The following APCDD1 variants were observed in gnomAD, a reference collection of about 807,000 sequenced individuals.
APCDD1 encodes the protein protein APCDD1.
A neutral mutation model predicts 38.1 loss-of-function variants in APCDD1; 15 were observed. That is an observed-to-expected ratio of 0.39 (90% CI 0.26 to 0.61). The LOEUF is 0.61. Ranked by LOEUF, APCDD1 falls within the 20% of genes least tolerant of loss-of-function variation. The pLI, the probability that APCDD1 is intolerant of heterozygous loss-of-function variation, is 0.49. For synonymous variants in APCDD1, 261 were observed against 279.7 expected, an observed-to-expected ratio of 0.93 and a Z score of 0.67; for missense variants, 647 against 696.2, an observed-to-expected ratio of 0.93 and a Z score of 0.79.
chr18:10,475,780 CGCAAGATGGCTGAGG>C lies in APCDD1; in HGVS notation c.774+3721_774+3735del, dbSNP rs1220806013. ...GCTTCCTGAGCCAGCCTAGCTGCCT[CGCAAGATGGCTGAGG>C]GGGGGGGGGGTCAGTGGAAGGCCGA... On this transcript the variant is annotated intron_variant, in intron 3 of 4. Coordinates refer to ENST00000355285, the MANE Select transcript of APCDD1 (RefSeq NM_153000.5). The surrounding 1 kb of genome is among the most constrained non-coding windows in gnomAD (Gnocchi z 4.0). The C allele has an allele frequency of 7.4e-6, 1 of 135,486 alleles. No homozygotes were observed. Among genetic ancestry groups the C allele is most frequent in the Non-Finnish European group, 1.5e-5 (1 of 65,642 alleles). The allele number at this position is 135,486 out of a possible 1,614,324, so 8.4% of individuals were successfully genotyped here.
rs1311966907 is a variant in APCDD1 at position 10,469,895 on chromosome 18, C to T, written c.242+1243C>T. ...TGCAGTAAACCAGGGCAGACAGCCT[C>T]ACATGAGGCTGCTGGGGAGGGTAGG... On this transcript the variant is annotated intron_variant, in intron 2 of 4. Coordinates refer to ENST00000355285, the MANE Select transcript of APCDD1 (RefSeq NM_153000.5). This position sits in a 1 kb window ranked among gnomAD's most constrained non-coding sequence, Gnocchi z 5.5. 6.6e-6 allele frequency among the ~76,000 whole-genome samples: 1 copy of T among 152,146 alleles called. No homozygotes were observed. Among genetic ancestry groups the T allele is most frequent in the East Asian group, 1.9e-4 (1 of 5,186 alleles).
intron 3 of APCDD1, among the ~76,000 whole-genome samples, chr18:10,478,236 C>A (rs995236187): frequency 6.6e-6 from 1 of 152,226 alleles, no homozygotes; most frequent in African/African-American, 2.4e-5. Context: ...TGGTAACAGG[C>A]CCGAGGTGGC....
At position 10,469,335 on chromosome 18, in the gene APCDD1, G is replaced by A. The variant is rs1400711399; in HGVS notation, c.242+683G>A. The stretch of plus-strand genomic sequence containing the variant: ...AGCAGCCTTCAAGTTCCTTGGGGAG[G>A]GATCAGATGAATATGGAGAAGAGAA... On this transcript the variant is annotated intron_variant, in intron 2 of 4. Transcript: ENST00000355285. The surrounding 1 kb of genome is among the most constrained non-coding windows in gnomAD (Gnocchi z 5.5). 6.6e-6 allele frequency among the ~76,000 whole-genome samples: 1 copy of A among 151,998 alleles called. No individual in the cohort carries two copies. Among genetic ancestry groups the A allele is most frequent in the Non-Finnish European group, 1.5e-5 (1 of 68,008 alleles).
At position 10,469,326 on chromosome 18, in the gene APCDD1, C is replaced by T. The variant is rs2030795045; in HGVS notation, c.242+674C>T. On this transcript the variant is annotated intron_variant, in intron 2 of 4. Coordinates refer to ENST00000355285, the MANE Select transcript of APCDD1 (RefSeq NM_153000.5). The surrounding 1 kb of genome is among the most constrained non-coding windows in gnomAD (Gnocchi z 5.5). Reference sequence around the variant, plus strand: ...GATATGGATAGCAGCCTTCAAGTTCCTTGGGGAGGGATCAGATGAATATGG... The same window carrying T: ...GATATGGATAGCAGCCTTCAAGTTCTTTGGGGAGGGATCAGATGAATATGG... Among the ~76,000 whole-genome samples the T allele has an allele frequency of 6.6e-6, 1 of 151,990 alleles. No individual in the cohort carries two copies.
intron 3 of APCDD1, among the ~76,000 whole-genome samples, chr18:10,480,212 A>G (rs2031102458): frequency 6.6e-6 from 1 of 152,188 alleles, no homozygotes; most frequent in African/African-American, 2.4e-5. Context: ...ATCCCCAAAA[A>G]AGAGGGAATA....
rs2031011484 is a variant in APCDD1 at position 10,476,779 on chromosome 18, C to A, written c.774+4718C>A. ...GCACATGTACAGCAGGGGAGCTACA[C>A]ACGGGAGGGAGAAAAGCACCGGGCT... On this transcript the variant is annotated intron_variant, in intron 3 of 4. Transcript: ENST00000355285. The surrounding 1 kb of genome is among the most constrained non-coding windows in gnomAD (Gnocchi z 5.8). 2 of 152,344 alleles carry A rather than the reference C, an allele frequency of 1.3e-5. No individual in the cohort carries two copies. Among genetic ancestry groups the A allele is most frequent in the African/African-American group, 4.8e-5 (2 of 41,576 alleles). The allele number at this position is 152,344 out of a possible 1,614,324, so 9.4% of individuals were successfully genotyped here.
chr18:10,482,413 A>G (rs551284314), intron 3 of APCDD1, among the ~76,000 whole-genome samples: 1 of 152,302 alleles, frequency 6.6e-6, no homozygotes, highest in South Asian at 2.1e-4. Flanking sequence ...GGTAGCCACT[A>G]CCAGCGATGA....
intron 3 of APCDD1, among the ~76,000 whole-genome samples, chr18:10,479,095 A>G (rs952223681): frequency 6.6e-6 from 1 of 152,258 alleles, no homozygotes; most frequent in Non-Finnish European, 1.5e-5. Flanking sequence ...CTCGTAATAC[A>G]GAAGACCCGA....
chr18:10,485,867 A>G lies in APCDD1; in HGVS notation c.1096+84A>G. 6 of 1,452,486 alleles carry G rather than the reference A, an allele frequency of 4.1e-6. No individual in the cohort carries two copies. The highest frequency in any genetic ancestry group is 5.7e-6 in the Non-Finnish European group (6 of 1,061,514). The allele number at this position is 1,452,486 out of a possible 1,614,324, so 90.0% of individuals were successfully genotyped here. A position where few individuals can be genotyped will look rare whatever the true frequency, so the allele number is the denominator to read the frequency against. ...TGTGGAGGCAGAGCTGAGGGAAAGG[A>G]CCTCTTTTCTGCCTGAGTTCCCAGG... On this transcript the variant is annotated intron_variant, in intron 4 of 4. Transcript: ENST00000355285. The surrounding 1 kb of genome is among the most constrained non-coding windows in gnomAD (Gnocchi z 5.8).
chr18:10,468,692 C>G, intron 2 of APCDD1, 40 bp downstream of exon 2: 1 of 1,601,786 alleles, frequency 6.2e-7, no homozygotes, highest in African/African-American at 1.3e-5. Flanking sequence ...CCAGAGAGCA[C>G]ACCACTATGG....
At chr18:10,458,461 TTC>T (rs2030439132) in intron 1 of APCDD1, among the ~76,000 whole-genome samples, 1 of 152,216 alleles carries the variant, frequency 6.6e-6, no homozygotes, top group Non-Finnish European at 1.5e-5. Flanking sequence ...AAAACATTCT[TTC>T]CTGCACTTTT....
chr18:10,488,954 A>T lies in APCDD1; in HGVS notation c.*916A>T, dbSNP rs1418464621. ...GACCTGAGCCCTGACTCACTGTCTTATTAGGGGCAGGCGGAAGAAGCTGCA... is the reference window on the plus strand; with the variant it reads ...GACCTGAGCCCTGACTCACTGTCTTTTTAGGGGCAGGCGGAAGAAGCTGCA... On this transcript the variant is annotated 3_prime_UTR_variant, in exon 5 of 5. Transcript: ENST00000355285. 1 of 152,226 alleles carries T rather than the reference A, an allele frequency of 6.6e-6. No individual in the cohort carries two copies. The highest frequency in any genetic ancestry group is 2.4e-5 in the African/African-American group (1 of 41,442). The allele number at this position is 152,226 out of a possible 1,614,324, so 9.4% of individuals were successfully genotyped here.
rs772842810 is a variant in APCDD1 at position 10,487,774 on chromosome 18, G to C, written c.1281G>C (p.Met427Ile). ...LPHTEYEIFK[M>I]EQDARGRYLL... ...ACACGGAGTACGAGATCTTCAAAAT[G>C]GAACAGGATGCCCGGGGGCGCTATC... The change falls in exon 5 of 5, where the codon ATG becomes ATC. Residue 427 changes from methionine (M) to isoleucine (I), a missense_variant. Met to Ile is a conservative substitution (Grantham distance 10). Transcript: ENST00000355285. 1 of 1,614,170 alleles carries C rather than the reference G, an allele frequency of 6.2e-7. No homozygotes were observed. Among genetic ancestry groups the C allele is most frequent in the South Asian group, 1.1e-5 (1 of 91,082 alleles).
rs142439430 is a variant in APCDD1 at position 10,465,296 on chromosome 18, C to T, written c.59-3173C>T. ...AACACAGATGCTCATACTGTCCCCACATCACCTTTATGTCCATCCTTGGGA... is the reference window on the plus strand; with the variant it reads ...AACACAGATGCTCATACTGTCCCCATATCACCTTTATGTCCATCCTTGGGA... On this transcript the variant is annotated intron_variant, in intron 1 of 4. Transcript: ENST00000355285. Among the ~76,000 whole-genome samples the T allele has an allele frequency of 2.5e-3, 374 of 152,312 alleles. 3 individuals carry two copies. Among genetic ancestry groups the T allele is most frequent in the African/African-American group, 8.4e-3 (347 of 41,554 alleles).
chr18:10,487,131 CA>C (rs1360164220), intron 4 of APCDD1, among the ~76,000 whole-genome samples: 2 of 152,208 alleles, frequency 1.3e-5, no homozygotes, highest in African/African-American at 4.8e-5. Flanking sequence ...GTGAGAATGC[CA>C]ACCAGAATAG....
rs989802858 is a variant in APCDD1, at chr18:10,468,752, A to G, written c.242+100A>G. On this transcript the variant is annotated intron_variant, in intron 2 of 4. Coordinates refer to ENST00000355285, the MANE Select transcript of APCDD1 (RefSeq NM_153000.5). ...ATGCAGAGACTTTATATCATTTACA[A>G]TGATTTAGGTGTTGTCCAAGTTCTA... is the stretch of plus-strand genomic sequence containing the variant. 1.9e-5 allele frequency: 25 copies of G among 1,290,224 alleles called. No individual in the cohort carries two copies. The East Asian group carries it at 2.6e-4, about 13-fold the overall frequency. The allele number at this position is 1,290,224 out of a possible 1,614,324, so 79.9% of individuals were successfully genotyped here.
In APCDD1 at chr18:10,476,315, G is replaced by A. The variant is rs1474569996; in HGVS notation, c.774+4254G>A. On this transcript the variant is annotated intron_variant, in intron 3 of 4. Coordinates refer to ENST00000355285, the MANE Select transcript of APCDD1 (RefSeq NM_153000.5). This position sits in a 1 kb window ranked among gnomAD's most constrained non-coding sequence, Gnocchi z 5.8. ...TAAGCTTTATACAGCTTTGCTGTGAGGTCCAGAGTCCTTTGGCAAATAAGT... is the reference window on the plus strand; with the variant it reads ...TAAGCTTTATACAGCTTTGCTGTGAAGTCCAGAGTCCTTTGGCAAATAAGT... The A allele has an allele frequency of 6.6e-6, 1 of 152,230 alleles. No individual in the cohort carries two copies. The highest frequency in any genetic ancestry group is 2.4e-5 in the African/African-American group (1 of 41,462). 9.4% of individuals were successfully genotyped at this position (152,230 alleles called of 1,614,324 possible). A position where few individuals can be genotyped will look rare whatever the true frequency, so the allele number is the denominator to read the frequency against.
chr18:10,472,625 C>G lies in APCDD1; in HGVS notation c.774+564C>G, dbSNP rs1392169456. ...AGGTCCCAGGGGTTATGGCTCCTGC[C>G]CAGGCCACGCGGCTACTGAGTTTTC... On this transcript the variant is annotated intron_variant, in intron 3 of 4. Coordinates refer to ENST00000355285, the MANE Select transcript of APCDD1 (RefSeq NM_153000.5). The surrounding 1 kb of genome is among the most constrained non-coding windows in gnomAD (Gnocchi z 6.6). 6.6e-6 allele frequency among the ~76,000 whole-genome samples: 1 copy of G among 152,134 alleles called. No homozygotes were observed. The highest frequency in any genetic ancestry group is 1.5e-5 in the Non-Finnish European group (1 of 68,026).
rs1018003101 is a variant in APCDD1, at chr18:10,489,596, G to A, written c.*1558G>A. The A allele has an allele frequency of 1.3e-5, 2 of 152,142 alleles. No homozygotes were observed. The highest frequency in any genetic ancestry group is 2.9e-5 in the Non-Finnish European group (2 of 68,066). 9.4% of individuals were successfully genotyped at this position (152,142 alleles called of 1,614,324 possible). A position where few individuals can be genotyped will look rare whatever the true frequency, so the allele number is the denominator to read the frequency against. ...CACCTGTAGTCCCAGCTACTCGGGA[G>A]GCTGAGGCAGGAGAATGGCATGAAC... On this transcript the variant is annotated 3_prime_UTR_variant, in exon 5 of 5. Coordinates refer to ENST00000355285, the MANE Select transcript of APCDD1 (RefSeq NM_153000.5).
Sources: allele counts gnomAD v4.1 joint callset (sites outside exome capture counted in the v4.1 genomes callset), GRCh38; gene constraint gnomAD v4.1.1; non-coding constraint Gnocchi (gnomAD v3.1); transcripts MANE v1.5; gene names NCBI Gene and HGNC (gene_info 2026-07-23, HGNC 2026-07-21).